Variants in PCDH15 observed in about 807,000 individuals in gnomAD.
The protein encoded by PCDH15 is protocadherin-15.
PCDH15 carries 129 observed loss-of-function variants against 178.5 expected under a neutral mutation model. The ratio of observed to expected loss-of-function variants is 0.72; its 90% CI spans 0.63 to 0.84. The LOEUF is 0.84. Ranked by LOEUF, PCDH15 falls within the 40% of genes least tolerant of loss-of-function variation. The pLI is 0.00. For missense variants in PCDH15, 2,230 were observed against 2,099.9 expected, an observed-to-expected ratio of 1.06 and a Z score of -1.21; for synonymous variants, 800 against 732.0, an observed-to-expected ratio of 1.09 and a Z score of -1.50.
At chr10:54,536,540 A>T (rs1781451) in intron 2 of PCDH15, among the ~76,000 whole-genome samples, 2 of 152,064 alleles carry the variant, frequency 1.3e-5, no homozygotes, top group African/African-American at 4.8e-5. Context: ...TACAATATGC[A>T]GGTTGTTATC....
At position 54,731,571 on chromosome 10, in the gene PCDH15, C is replaced by CACACAT. The variant is rs1555172602; in HGVS notation, c.-28-67282_-28-67281insATGTGT. 2.8e-4 allele frequency among the ~76,000 whole-genome samples: 28 copies of CACACAT among 98,428 alleles called. 2 individuals are homozygous for CACACAT. Among genetic ancestry groups the CACACAT allele is most frequent in the African/African-American group, 9.8e-4 (25 of 25,384 alleles). The allele number at this position is 98,428 out of a possible 152,430, so 64.6% of individuals were successfully genotyped here. ...ATATATATATATATATATACACACA[C>CACACAT]ACACACACACACACACACACACATA... On this transcript the variant is annotated intron_variant, in intron 1 of 37. Transcript: ENST00000644397.
chr10:54,333,926 G>GA (rs968160652), intron 6 of PCDH15, among the ~76,000 whole-genome samples: 1 of 152,150 alleles, frequency 6.6e-6, no homozygotes, highest in Admixed American at 6.6e-5. Context: ...CAATGAGGCA[G>GA]AAAAGTTTGG....
chr10:55,272,080 T>G (rs1842459163), intron 1 of PCDH15, among the ~76,000 whole-genome samples: 1 of 152,000 alleles, frequency 6.6e-6, no homozygotes, highest in South Asian at 2.1e-4. Context: ...CCTATGTGTT[T>G]TTTCTATATA....
At chr10:55,424,650 T>A (rs1416730186) in intron 2 of PCDH15, among the ~76,000 whole-genome samples, 1 of 152,134 alleles carries the variant, frequency 6.6e-6, no homozygotes, top group Non-Finnish European at 1.5e-5. Context: ...TGCCTGTGGG[T>A]TGTACTAGTA....
At chr10:54,519,774 A>C (rs183129203) in intron 3 of PCDH15, among the ~76,000 whole-genome samples, 2,664 of 152,250 alleles carry the variant, frequency 0.017, 73 homozygotes, top group African/African-American at 0.057. Context: ...AAGCCAAAAC[A>C]ACAAAGCTGG....
chr10:55,431,385 C>A (rs1461310870), intron 2 of PCDH15, among the ~76,000 whole-genome samples: 1 of 152,118 alleles, frequency 6.6e-6, no homozygotes. Flanking sequence ...ACGACTAAGG[C>A]TCCATCTCTC....
intron 2 of PCDH15, among the ~76,000 whole-genome samples, chr10:55,518,027 G>A (rs1841062221): frequency 6.6e-6 from 1 of 151,906 alleles, no homozygotes; most frequent in Non-Finnish European, 1.5e-5. Flanking sequence ...GAGAGACAGG[G>A]GCTAATATTA....
At chr10:54,008,927 T>C (rs2092475777) in intron 20 of PCDH15, among the ~76,000 whole-genome samples, 1 of 152,172 alleles carries the variant, frequency 6.6e-6, no homozygotes, top group African/African-American at 2.4e-5. Flanking sequence ...TATTATGGCA[T>C]CTTCATAACC....
chr10:54,920,780 C>G (rs1335912941), intron 2 of PCDH15, among the ~76,000 whole-genome samples: 3 of 152,072 alleles, frequency 2.0e-5, no homozygotes, highest in African/African-American at 7.2e-5. Context: ...AGTAATTATG[C>G]AGTTGTACCA....
At chr10:55,143,856 G>T (rs536425273) in intron 2 of PCDH15, among the ~76,000 whole-genome samples, 1 of 152,162 alleles carries the variant, frequency 6.6e-6, no homozygotes, top group African/African-American at 2.4e-5. Context: ...CAAATATGTT[G>T]CAATTAATTC....
intron 2 of PCDH15, among the ~76,000 whole-genome samples, chr10:55,333,359 C>T: frequency 6.6e-6 from 1 of 151,750 alleles, no homozygotes; most frequent in East Asian, 1.9e-4. Flanking sequence ...CTGTACAGTA[C>T]AAATCATCTT....
chr10:54,999,753 G>A (rs532967117), intron 2 of PCDH15, among the ~76,000 whole-genome samples: 10 of 152,310 alleles, frequency 6.6e-5, no homozygotes, highest in South Asian at 2.1e-4. Flanking sequence ...GATATTTCAC[G>A]TAGGTTCTTT....
At chr10:54,734,967 C>G (rs1411379759) in intron 1 of PCDH15, among the ~76,000 whole-genome samples, 1 of 151,822 alleles carries the variant, frequency 6.6e-6, no homozygotes, top group Non-Finnish European at 1.5e-5. Context: ...ACATGTTTGT[C>G]AAATATAATA....
intron 3 of PCDH15, among the ~76,000 whole-genome samples, chr10:54,430,342 AC>A (rs1340984607): frequency 1.3e-5 from 2 of 152,110 alleles, no homozygotes; most frequent in African/African-American, 2.4e-5. Context: ...GGCGTGAGCC[AC>A]CACACCCGGC....
chr10:54,576,096 C>T (rs912190939), intron 2 of PCDH15, among the ~76,000 whole-genome samples: 1 of 151,390 alleles, frequency 6.6e-6, no homozygotes, highest in African/African-American at 2.4e-5. Flanking sequence ...GAGTTGGTTA[C>T]ATTTAAATTA....
At chr10:54,348,089 C>G (rs1384015873) in intron 5 of PCDH15, among the ~76,000 whole-genome samples, 1 of 151,900 alleles carries the variant, frequency 6.6e-6, no homozygotes, top group African/African-American at 2.4e-5. Flanking sequence ...ACCTCATGAT[C>G]TGCCCACCTC....
rs573932609 is a variant in PCDH15, at chr10:55,230,642, G to A, written c.-155-63991C>T. ...GGTATATGGAACTTACAGAGACAGC[G>A]GACAGTGTTACTTCTGTCTAGGAGA... On this transcript the variant is annotated intron_variant, in intron 1 of 5. Transcript: ENST00000458638. Among the ~76,000 whole-genome samples the A allele has an allele frequency of 7.2e-5, 11 of 152,100 alleles. No individual in the cohort carries two copies. The East Asian group carries it at 9.7e-4, about 13-fold the overall frequency.
intron 29 of PCDH15, among the ~76,000 whole-genome samples, chr10:53,838,132 T>C (rs1052272841): frequency 4.4e-4 from 67 of 151,834 alleles, no homozygotes; most frequent in African/African-American, 1.3e-3. Flanking sequence ...CCCGCCACCA[T>C]GCCCGGCTAA....
At chr10:55,459,647 TA>T (rs1313923852) in intron 2 of PCDH15, among the ~76,000 whole-genome samples, 1 of 152,054 alleles carries the variant, frequency 6.6e-6, no homozygotes, top group Non-Finnish European at 1.5e-5. Flanking sequence ...TGGTAGTGGT[TA>T]CAGGGTAAGA....
Sources: allele counts gnomAD v4.1 joint callset (sites outside exome capture counted in the v4.1 genomes callset), GRCh38; gene constraint gnomAD v4.1.1; transcripts MANE v1.5; gene names NCBI Gene and HGNC (gene_info 2026-07-23, HGNC 2026-07-21).